DAW1: variants seen among roughly 807,000 people sequenced by gnomAD.
The protein encoded by DAW1 is dynein assembly factor with WD repeat domains 1.
Under a neutral mutation model 56.5 loss-of-function variants are expected in DAW1, and 47 were observed. That is an observed-to-expected ratio of 0.83 (90% CI 0.66 to 1.06). DAW1 has a LOEUF of 1.06. Among genes scored for constraint, DAW1 ranks in the 50% least tolerant of loss-of-function variants. The probability of loss-of-function intolerance (pLI) is 0.00; values close to 1 mark genes in which losing one functional copy is unlikely to be tolerated. For synonymous variants in DAW1, 190 were observed against 179.0 expected (o/e 1.06, Z -0.49); for missense variants, 505 against 499.3 (o/e 1.01, Z -0.11).
intron 10 of DAW1, among the ~76,000 whole-genome samples, chr2:227,913,840 T>C (rs1217170981): frequency 1.3e-5 from 2 of 151,586 alleles, no homozygotes; most frequent in Admixed American, 1.3e-4. Context: ...CATTACAACA[T>C]GTCTACACCT....
chr2:227,906,493 T>C (rs959560131), intron 9 of DAW1, among the ~76,000 whole-genome samples, 155 bp downstream of exon 9: 2 of 152,234 alleles, frequency 1.3e-5, no homozygotes, highest in Admixed American at 6.5e-5. Context: ...TTTCTAGTTT[T>C]GGATTTTCCA....
chr2:227,909,259 T>TCTAG (rs1381065838), intron 10 of DAW1, among the ~76,000 whole-genome samples: 1 of 144,842 alleles, frequency 6.9e-6, no homozygotes, highest in Non-Finnish European at 1.5e-5. Flanking sequence ...TATCTATCTA[T>TCTAG]CTATCTATCT....
intron 2 of DAW1, among the ~76,000 whole-genome samples, chr2:227,887,199 A>T (rs1308493514): frequency 6.6e-6 from 1 of 152,194 alleles, no homozygotes; most frequent in Non-Finnish European, 1.5e-5. Flanking sequence ...ATATTTTTTT[A>T]AAATCAAAGA....
chr2:227,921,070 T>A (rs1692095170), intron 11 of DAW1, among the ~76,000 whole-genome samples: 1 of 152,126 alleles, frequency 6.6e-6, no homozygotes, highest in South Asian at 2.1e-4. Context: ...GGGCCCTGCA[T>A]CTTTGCACAG....
chr2:227,889,081 A>T (rs943151964), intron 2 of DAW1, among the ~76,000 whole-genome samples: 1 of 152,200 alleles, frequency 6.6e-6, no homozygotes, highest in Non-Finnish European at 1.5e-5. Flanking sequence ...TTACAGGATT[A>T]AATAAGAGAA....
At position 227,872,734 on chromosome 2, in the gene DAW1, A is replaced by G. The variant is rs191735165; in HGVS notation, c.40+1005A>G. 1.7e-3 allele frequency among the ~76,000 whole-genome samples: 210 copies of G among 121,934 alleles called. 1 individual carries two copies. Among genetic ancestry groups the G allele is most frequent in the African/African-American group, 6.0e-3 (189 of 31,372 alleles). The allele number at this position is 121,934 out of a possible 152,430, so 80.0% of individuals were successfully genotyped here. Reference sequence around the variant, plus strand: ...ATTCCGTTATCATTCTGCCAGCTCTAAGTCCAAAATATTCTGTGAATCCAT... The same window carrying G: ...ATTCCGTTATCATTCTGCCAGCTCTGAGTCCAAAATATTCTGTGAATCCAT... On this transcript the variant is annotated intron_variant, in intron 1 of 12. Coordinates refer to ENST00000309931, the MANE Select transcript of DAW1 (RefSeq NM_178821.3).
intron 11 of DAW1, among the ~76,000 whole-genome samples, chr2:227,920,487 G>T (rs906328669): frequency 5.9e-5 from 9 of 152,108 alleles, no homozygotes; most frequent in Non-Finnish European, 1.2e-4. Context: ...TCCTTTGATG[G>T]TCACTCAGAT....
intron 3 of DAW1, 139 bp downstream of exon 3, chr2:227,890,139 A>T (rs1574653830): frequency 1.2e-6 from 1 of 813,486 alleles, no homozygotes; most frequent in Admixed American, 3.9e-5. Flanking sequence ...TATGTTTGCT[A>T]AGATTGTCCC....
intron 6 of DAW1, among the ~76,000 whole-genome samples, chr2:227,902,117 T>C (rs1480189019): frequency 2.0e-5 from 3 of 152,092 alleles, no homozygotes; most frequent in Non-Finnish European, 4.4e-5. Context: ...CAGAAGCATC[T>C]TAAGCAAAGT....
In DAW1 at chr2:227,893,799, A is replaced by G; in HGVS notation, c.322A>G (p.Ile108Val). 1 of 1,611,408 alleles carries G rather than the reference A, an allele frequency of 6.2e-7. No homozygotes were observed. The highest frequency in any genetic ancestry group is 8.5e-7 in the Non-Finnish European group (1 of 1,179,138). ...VALNKSGSCF[I>V]TGSYDRTCKL... is the part of the protein sequence containing the mutation. The stretch of plus-strand genomic sequence containing the variant: ...TGTTTATATTCCTTGTGTTAGCTTT[A>G]TCACAGGAAGCTATGATCGGACGTG... Residue 108 changes from isoleucine (I) to valine (V), a missense_variant, in exon 5 of 13, where the codon ATC becomes GTC. Physicochemically the swap from Ile to Val is conservative, Grantham distance 29. Transcript: ENST00000309931.
chr2:227,884,891 G>A (rs1691088822), intron 1 of DAW1, among the ~76,000 whole-genome samples: 2 of 152,134 alleles, frequency 1.3e-5, no homozygotes, highest in East Asian at 1.9e-4. Context: ...CTGCCTGCTG[G>A]GGCCCAGAAT....
Position 227,921,539 on chromosome 2 carries a change from TAA to T in DAW1, c.1193_1194del (p.Lys398ArgfsTer11), listed in dbSNP as rs1692111353. On this transcript the variant is annotated frameshift_variant, in exon 12 of 13. Coordinates refer to ENST00000309931, the MANE Select transcript of DAW1 (RefSeq NM_178821.3). LOFTEE classifies it high-confidence loss of function. ...DEIFSCAFNY[K>X]GNIVITGSKD... is the part of the protein sequence containing the mutation. ...AAATCTTTTCATGTGCTTTCAACTA[TAA>T]AGGCAACATAGTCATTACAGGTATG... The T allele has an allele frequency of 6.2e-7, 1 of 1,613,828 alleles. No homozygotes were observed. Among genetic ancestry groups the T allele is most frequent in the African/African-American group, 1.3e-5 (1 of 74,900 alleles).
chr2:227,907,532 T>C (rs775986047), intron 10 of DAW1, among the ~76,000 whole-genome samples: 5 of 152,150 alleles, frequency 3.3e-5, no homozygotes, highest in Non-Finnish European at 7.4e-5. Flanking sequence ...ATATTCTGGG[T>C]CATCTCCCTG....
rs1236580900 is a variant in DAW1 at position 227,924,034 on chromosome 2, C to G, written c.*66C>G. The G allele has an allele frequency of 1.4e-5, 22 of 1,554,820 alleles. No homozygotes were observed. The highest frequency in any genetic ancestry group is 1.9e-5 in the Non-Finnish European group (22 of 1,130,346). On this transcript the variant is annotated 3_prime_UTR_variant, in exon 13 of 13. Coordinates refer to ENST00000309931, the MANE Select transcript of DAW1 (RefSeq NM_178821.3). ...TAATCAAGAACTGGAACTTCACAGA[C>G]AGCAGCTCTCTTAATATTTCTTATA...
At chr2:227,898,494 G>A (rs1691465368) in intron 6 of DAW1, among the ~76,000 whole-genome samples, 1 of 151,864 alleles carries the variant, frequency 6.6e-6, no homozygotes, top group Non-Finnish European at 1.5e-5. Context: ...CTAATTTTTT[G>A]TATTTTTAGT....
intron 7 of DAW1, among the ~76,000 whole-genome samples, chr2:227,903,806 A>C (rs1020391576): frequency 2.0e-5 from 3 of 152,046 alleles, no homozygotes; most frequent in African/African-American, 7.2e-5. Flanking sequence ...TCAAAATTAT[A>C]AGTACATTTT....
At chr2:227,902,481 A>G (rs1400504249) in intron 6 of DAW1, among the ~76,000 whole-genome samples, 2 of 152,044 alleles carry the variant, frequency 1.3e-5, no homozygotes, top group Admixed American at 6.6e-5. Context: ...TTGGTGGTGA[A>G]TCTTCTAGAG....
At chr2:227,898,327 A>T in intron 6 of DAW1, 46 bp downstream of exon 6, 1 of 998,218 alleles carries the variant, frequency 1.0e-6, no homozygotes, top group Non-Finnish European at 1.3e-6. Flanking sequence ...ATATATATAT[A>T]TTATTTTCTT....
chr2:227,891,426 AC>A, intron 4 of DAW1, 113 bp downstream of exon 4: 1 of 882,346 alleles, frequency 1.1e-6, no homozygotes, highest in Non-Finnish European at 1.8e-6. Context: ...TGATTTCAGT[AC>A]TCCCTTGGAT....
Sources: gnomAD v4.1 joint callset for allele counts (sites outside exome capture counted in the v4.1 genomes callset) on GRCh38, gnomAD v4.1.1 for gene constraint, MANE v1.5 for transcripts, NCBI Gene and HGNC (gene_info 2026-07-23, HGNC 2026-07-21) for gene names.